FHOD3: variants seen among roughly 807,000 people sequenced by gnomAD.
FHOD3 encodes formin homology 2 domain containing 3.
Under a neutral mutation model 173.0 loss-of-function variants are expected in FHOD3, and 90 were observed. The observed-to-expected ratio is 0.52, with a 90% CI of 0.44 to 0.62. The LOEUF is 0.62. FHOD3 is among the 20% of genes least tolerant of loss of function. The pLI is 0.00. For synonymous variants in FHOD3, 828 were observed against 823.0 expected (o/e 1.01, Z -0.10); for missense variants, 1,945 against 2,034.7 (o/e 0.96, Z 0.85).
intron 2 of FHOD3, among the ~76,000 whole-genome samples, chr18:36,362,442 T>A (rs1458699174): frequency 6.6e-6 from 1 of 152,070 alleles, no homozygotes; most frequent in Non-Finnish European, 1.5e-5. Flanking sequence ...GGAGGCAATT[T>A]TGAAAAGGGG....
chr18:36,657,034 T>C (rs1265959847), intron 13 of FHOD3, among the ~76,000 whole-genome samples: 2 of 152,234 alleles, frequency 1.3e-5, no homozygotes, highest in Non-Finnish European at 2.9e-5. Context: ...GTTGACTTAC[T>C]CTGTCGAAGG....
chr18:36,604,664 GA>G (rs962475775), intron 8 of FHOD3, among the ~76,000 whole-genome samples: 1 of 152,076 alleles, frequency 6.6e-6, no homozygotes, highest in Non-Finnish European at 1.5e-5. Context: ...AGAAAAAAAA[GA>G]GAGAGAGAGA....
chr18:36,745,368 C>CA (rs1202340661), intron 23 of FHOD3, among the ~76,000 whole-genome samples: 1 of 152,210 alleles, frequency 6.6e-6, no homozygotes, highest in Non-Finnish European at 1.5e-5. Context: ...TGAAACCCTG[C>CA]ATACCTGAAT....
At chr18:36,307,016 T>G (rs762680375) in intron 1 of FHOD3, among the ~76,000 whole-genome samples, 2 of 152,240 alleles carry the variant, frequency 1.3e-5, no homozygotes, top group Non-Finnish European at 2.9e-5. Context: ...CAGGCTGGCA[T>G]GCAGTGGCAC....
At chr18:36,373,123 A>G (rs998271898) in intron 3 of FHOD3, among the ~76,000 whole-genome samples, 6 of 152,106 alleles carry the variant, frequency 3.9e-5, no homozygotes, top group African/African-American at 9.7e-5. Flanking sequence ...CCAGGTTGTT[A>G]TCAGGTGACT....
intron 17 of FHOD3, among the ~76,000 whole-genome samples, chr18:36,705,112 A>G (rs951054614): frequency 1.3e-5 from 2 of 152,210 alleles, no homozygotes; most frequent in Non-Finnish European, 2.9e-5. Context: ...CCTGTGATGC[A>G]GGTGGAGACA....
chr18:36,455,113 T>A (rs1368608658), intron 3 of FHOD3, among the ~76,000 whole-genome samples: 1 of 152,132 alleles, frequency 6.6e-6, no homozygotes, highest in Non-Finnish European at 1.5e-5. Flanking sequence ...GTCAGCAACG[T>A]TTCTGAAATT....
intron 15 of FHOD3, among the ~76,000 whole-genome samples, chr18:36,686,587 C>A (rs2038632909): frequency 6.6e-6 from 1 of 150,924 alleles, no homozygotes; most frequent in East Asian, 2.0e-4. Flanking sequence ...ACCACCCTGG[C>A]ACACATTTAC....
At chr18:36,355,747 C>T (rs1404458431) in intron 2 of FHOD3, 102 bp downstream of exon 2, 2 of 914,548 alleles carry the variant, frequency 2.2e-6, no homozygotes. Context: ...TGGCTTTGAC[C>T]TTCTCTTAAT....
intron 9 of FHOD3, among the ~76,000 whole-genome samples, chr18:36,622,534 A>T (rs902430694): frequency 6.6e-5 from 10 of 152,194 alleles, no homozygotes; most frequent in African/African-American, 2.4e-4. Flanking sequence ...TTAGTTTACA[A>T]ATAGCGTTCT....
At chr18:36,326,694 T>A (rs2044687212) in intron 1 of FHOD3, among the ~76,000 whole-genome samples, 1 of 152,190 alleles carries the variant, frequency 6.6e-6, no homozygotes, top group Non-Finnish European at 1.5e-5. Flanking sequence ...GAGGCTACAG[T>A]GAGCTATGAT....
chr18:36,728,049 A>T (rs1394471180), intron 19 of FHOD3, among the ~76,000 whole-genome samples: 1 of 152,246 alleles, frequency 6.6e-6, no homozygotes, highest in East Asian at 1.9e-4. Flanking sequence ...GGGGATGAGC[A>T]CAAGGCATGG....
intron 3 of FHOD3, among the ~76,000 whole-genome samples, chr18:36,473,686 G>C (rs1054820386): frequency 2.0e-5 from 3 of 152,164 alleles, no homozygotes; most frequent in African/African-American, 7.2e-5. Flanking sequence ...ATGAGATATG[G>C]AGACACCAGC....
At chr18:36,447,562 T>G (rs2051568211) in intron 3 of FHOD3, among the ~76,000 whole-genome samples, 1 of 152,174 alleles carries the variant, frequency 6.6e-6, no homozygotes, top group African/African-American at 2.4e-5. Context: ...TTGTGTGGTG[T>G]GGACCATGGG....
chr18:36,477,457 G>C (rs1054815044), intron 3 of FHOD3, among the ~76,000 whole-genome samples: 1 of 151,820 alleles, frequency 6.6e-6, no homozygotes, highest in Non-Finnish European at 1.5e-5. Flanking sequence ...TAGCCAAAAT[G>C]TGTGTGTGTA....
At chr18:36,663,961 A>G (rs1292012498) in intron 14 of FHOD3, among the ~76,000 whole-genome samples, 2 of 152,030 alleles carry the variant, frequency 1.3e-5, no homozygotes, top group Non-Finnish European at 2.9e-5. Flanking sequence ...CTAGTCATCT[A>G]CATGTGCCTT....
chr18:36,611,877 G>GA, intron 8 of FHOD3, 75 bp from the exon 9 acceptor site: 1 of 1,417,288 alleles, frequency 7.1e-7, no homozygotes, highest in Non-Finnish European at 9.6e-7. Context: ...CCTGGATTAG[G>GA]CATTGGAAAA....
chr18:36,715,119 C>T (rs899846248), intron 18 of FHOD3, among the ~76,000 whole-genome samples: 1 of 152,212 alleles, frequency 6.6e-6, no homozygotes, highest in Admixed American at 6.5e-5. Flanking sequence ...GCTCTGCCAG[C>T]CCTGATGAGG....
chr18:36,698,971 C>G (rs191099603), intron 17 of FHOD3, among the ~76,000 whole-genome samples: 15 of 152,214 alleles, frequency 9.9e-5, no homozygotes, highest in Non-Finnish European at 2.1e-4. Flanking sequence ...TTCCGTTTGT[C>G]CCAGAGGGAG....
Sources: allele counts gnomAD v4.1 joint callset (sites outside exome capture counted in the v4.1 genomes callset), GRCh38; gene constraint gnomAD v4.1.1; transcripts MANE v1.5; gene names NCBI Gene and HGNC (gene_info 2026-07-23, HGNC 2026-07-21).